MED1: variants seen among roughly 807,000 people sequenced by gnomAD.
The protein encoded by MED1 is mediator complex subunit 1, also known as mediator of RNA polymerase II transcription subunit 1.
MED1 carries 17 observed loss-of-function variants against 121.3 expected under a neutral mutation model. The observed-to-expected ratio is 0.14, with a 90% CI of 0.10 to 0.21. The LOEUF (loss-of-function observed/expected upper bound fraction) is 0.21, where lower values mean the gene tolerates loss of function less well. Ranked by LOEUF, MED1 falls within the 10% of genes least tolerant of loss-of-function variation. The pLI is 1.00. For synonymous variants in MED1, 661 were observed against 694.4 expected (o/e 0.95, Z 0.76); for missense variants, 1,558 against 1,919.4 (o/e 0.81, Z 3.52).
At chr17:39,449,657 C>A (rs1332824059) in intron 1 of MED1, among the ~76,000 whole-genome samples, 1 of 151,348 alleles carries the variant, frequency 6.6e-6, no homozygotes, top group South Asian at 2.1e-4. Flanking sequence ...GGATTGCAGG[C>A]ATGCCACTGT....
intron 2 of MED1, among the ~76,000 whole-genome samples, chr17:39,445,726 T>A (rs1036655221): frequency 2.7e-4 from 41 of 152,070 alleles, no homozygotes; most frequent in African/African-American, 9.6e-4. Context: ...TTGGTTGCCT[T>A]AAGGAATAAA....
chr17:39,451,027 C>G lies in MED1; in HGVS notation c.25+11G>C, dbSNP rs2048777502. 2 of 1,609,644 alleles carry G rather than the reference C, an allele frequency of 1.2e-6. No homozygotes were observed. Among genetic ancestry groups the G allele is most frequent in the Admixed American group, 3.4e-5 (2 of 59,340 alleles). On this transcript the variant is annotated intron_variant, in intron 1 of 16. Coordinates refer to ENST00000300651, the MANE Select transcript of MED1 (RefSeq NM_004774.4). ...GTGTCCCGCCCCCTCCTTTCCCCTA[C>G]AGTCACTTACCCTCGGTTTCCCCCT...
Position 39,431,951 on chromosome 17 carries a change from ATTGCCATTT to A in MED1, c.557_565del (p.Lys186_Ala188del), listed in dbSNP as rs1357370401. On this transcript the variant is annotated inframe_deletion, in exon 8 of 17. Transcript: ENST00000300651. ...GTTTTAGCAGTCTTACCAGTACATA[ATTGCCATTT>A]TAGAAAGATCTTGTTCTAAGGATTG... 5.0e-6 allele frequency: 8 copies of A among 1,599,996 alleles called. No individual in the cohort carries two copies. Among genetic ancestry groups the A allele is most frequent in the Non-Finnish European group, 6.9e-6 (8 of 1,167,308 alleles).
chr17:39,432,884 G>A (rs2048579672), intron 7 of MED1, among the ~76,000 whole-genome samples: 1 of 152,132 alleles, frequency 6.6e-6, no homozygotes, highest in Non-Finnish European at 1.5e-5. Flanking sequence ...GACCAACATG[G>A]TAAAACCCTG....
At chr17:39,410,842 A>C in intron 16 of MED1, 121 bp from the exon 17 acceptor site, 2 of 1,365,364 alleles carry the variant, frequency 1.5e-6, no homozygotes, top group Non-Finnish European at 1.9e-6. Flanking sequence ...ATAATCTGTA[A>C]GACAAAAATA....
chr17:39,431,822 T>C (rs1377178281), intron 8 of MED1, 120 bp downstream of exon 8: 5 of 644,522 alleles, frequency 7.8e-6, no homozygotes, highest in Non-Finnish European at 1.0e-5. Context: ...ACAATCATCA[T>C]TTTGGAAGAG....
intron 16 of MED1, among the ~76,000 whole-genome samples, chr17:39,413,912 TAA>T (rs66489961): frequency 0.55 from 38,215 of 69,736 alleles, 8,978 homozygotes; most frequent in South Asian, 0.72. Context: ...GTAATATCAT[TAA>T]AAAAAAAAAA....
In MED1 at chr17:39,434,280, G is replaced by T; in HGVS notation, c.469C>A (p.Leu157Ile). The change falls in exon 7 of 17, where the codon CTT becomes ATT. Residue 157 changes from leucine to isoleucine, a missense_variant. Coordinates refer to ENST00000300651, the MANE Select transcript of MED1 (RefSeq NM_004774.4). Reference protein sequence around the residue: ...FDEFSKHLKGLVNLYNLPGDN... With the variant: ...FDEFSKHLKGIVNLYNLPGDN... ...CCTGGAAGGTTATACAGATTAACAAGGCCCTTAAGGTGCTTAGAAAATTCA... is the reference window on the plus strand; with the variant it reads ...CCTGGAAGGTTATACAGATTAACAATGCCCTTAAGGTGCTTAGAAAATTCA... The T allele has an allele frequency of 6.4e-7, 1 of 1,568,112 alleles. No individual in the cohort carries two copies. The highest frequency in any genetic ancestry group is 2.4e-5 in the East Asian group (1 of 42,552).
At position 39,424,663 on chromosome 17, in the gene MED1, G is replaced by A; in HGVS notation, c.815C>T (p.Pro272Leu). The A allele has an allele frequency of 6.2e-7, 1 of 1,606,018 alleles. No homozygotes were observed. Among genetic ancestry groups the A allele is most frequent in the Non-Finnish European group, 8.5e-7 (1 of 1,175,434 alleles). Residue 272 changes from proline to leucine, a missense_variant, in exon 11 of 17, where the codon CCA (proline) becomes CTA (leucine). By Grantham distance (98) the Pro-to-Leu change is moderately conservative. Around this residue, in one of 5 missense-constraint regions of MED1, gnomAD observed 443 missense variants for 532.4 expected, o/e 0.83. Transcript: ENST00000300651. Reference protein sequence around the residue: ...TSAVYKLPIAPLIMGSHPVDN... With the variant: ...TSAVYKLPIALLIMGSHPVDN... Reference sequence around the variant, plus strand: ...AACTGGATGTGACCCCATAATTAATGGTGCAATTGGGAGTTTGTACACAGC... The same window carrying A: ...AACTGGATGTGACCCCATAATTAATAGTGCAATTGGGAGTTTGTACACAGC...
At chr17:39,416,198 T>G (rs1160319701) in intron 14 of MED1, among the ~76,000 whole-genome samples, 1 of 152,146 alleles carries the variant, frequency 6.6e-6, no homozygotes, top group Non-Finnish European at 1.5e-5. Flanking sequence ...AGACTTTCAA[T>G]TTTCCAAGAT....
intron 14 of MED1, among the ~76,000 whole-genome samples, chr17:39,418,246 A>C (rs901677493): frequency 1.3e-5 from 2 of 151,936 alleles, no homozygotes; most frequent in African/African-American, 2.4e-5. Flanking sequence ...ACAACCTAAA[A>C]TTTAACCTAA....
chr17:39,451,153 AC>A lies in MED1; in HGVS notation c.-92del. On this transcript the variant is annotated 5_prime_UTR_variant, in exon 1 of 17. Coordinates refer to ENST00000300651, the MANE Select transcript of MED1 (RefSeq NM_004774.4). ...AAACAAGTTGGCTCGGGATCCCGGGACGCAGGGCACCAGCAGTCCCTACTCT... is the reference window on the plus strand; with the variant it reads ...AAACAAGTTGGCTCGGGATCCCGGGAGCAGGGCACCAGCAGTCCCTACTCT... The A allele has an allele frequency of 1.4e-6, 2 of 1,450,288 alleles. No individual in the cohort carries two copies. The highest frequency in any genetic ancestry group is 2.3e-5 in the South Asian group (2 of 85,318). The allele number at this position is 1,450,288 out of a possible 1,614,324, so 89.8% of individuals were successfully genotyped here. A position where few individuals can be genotyped will look rare whatever the true frequency, so the allele number is the denominator to read the frequency against.
intron 2 of MED1, among the ~76,000 whole-genome samples, chr17:39,446,498 C>A (rs1350764030): frequency 1.4e-5 from 2 of 142,534 alleles, no homozygotes; most frequent in African/African-American, 5.2e-5. Flanking sequence ...AAAAAACTAG[C>A]TGGGCAGCCG....
intron 6 of MED1, among the ~76,000 whole-genome samples, chr17:39,436,375 A>G (rs2048619150): frequency 6.6e-6 from 1 of 151,782 alleles, no homozygotes; most frequent in Non-Finnish European, 1.5e-5. Flanking sequence ...AAAAGAAAAA[A>G]AAAAAAAAAA....
Position 39,440,313 on chromosome 17 carries a change from C to G in MED1, c.399+73G>C. 1 of 1,450,012 alleles carries G rather than the reference C, an allele frequency of 6.9e-7. No individual in the cohort carries two copies. Among genetic ancestry groups the G allele is most frequent in the East Asian group, 2.4e-5 (1 of 41,234 alleles). 89.8% of individuals were successfully genotyped at this position (1,450,012 alleles called of 1,614,324 possible). On this transcript the variant is annotated intron_variant, in intron 5 of 16. Coordinates refer to ENST00000300651, the MANE Select transcript of MED1 (RefSeq NM_004774.4). This position sits in a 1 kb window ranked among gnomAD's most constrained non-coding sequence, Gnocchi z 4.1. ...AACCTAAACCCAAGCTATTTAAACC[C>G]CAACAATTAATTTTAAAATTAATGT...
intron 6 of MED1, among the ~76,000 whole-genome samples, chr17:39,436,299 T>G (rs2048617918): frequency 6.7e-6 from 1 of 149,196 alleles, no homozygotes; most frequent in South Asian, 2.1e-4. Flanking sequence ...AGGCGGAGCT[T>G]GCAGTGAGCA....
chr17:39,421,858 G>A (rs548063708), intron 13 of MED1, among the ~76,000 whole-genome samples: 1 of 151,920 alleles, frequency 6.6e-6, no homozygotes, highest in South Asian at 2.1e-4. Context: ...GCCAGGCAAG[G>A]TGGCTCACGC....
intron 16 of MED1, among the ~76,000 whole-genome samples, chr17:39,414,824 C>T (rs1278616337): frequency 6.6e-6 from 1 of 151,682 alleles, no homozygotes; most frequent in Non-Finnish European, 1.5e-5. Flanking sequence ...TGCCCGCCAT[C>T]GCGCCTGACT....
chr17:39,414,634 C>CTT (rs55829399), intron 16 of MED1, among the ~76,000 whole-genome samples: 20 of 61,556 alleles, frequency 3.2e-4, no homozygotes, highest in Non-Finnish European at 5.6e-4. Context: ...CAGGCCCGGC[C>CTT]TTTTTTTTTT....
Sources: allele counts gnomAD v4.1 joint callset (sites outside exome capture counted in the v4.1 genomes callset), GRCh38; gene constraint gnomAD v4.1.1; regional missense constraint gnomAD v4.1.1; non-coding constraint Gnocchi (gnomAD v3.1); transcripts MANE v1.5; gene names NCBI Gene and HGNC (gene_info 2026-07-23, HGNC 2026-07-21).